The following SYNE2 variants were observed in gnomAD, a reference collection of about 807,000 sequenced individuals.
The protein encoded by SYNE2 is nesprin-2.
Under a neutral mutation model 856.3 loss-of-function variants are expected in SYNE2, and 431 were observed. The ratio of observed to expected loss-of-function variants is 0.50; its 90% CI spans 0.47 to 0.55. SYNE2 has a LOEUF of 0.55. Ranked by LOEUF, SYNE2 falls within the 20% of genes least tolerant of loss-of-function variation. The pLI, the probability that SYNE2 is intolerant of heterozygous loss-of-function variation, is 0.00. For missense variants in SYNE2, 8,129 were observed against 8,023.2 expected (o/e 1.01, Z -0.50); for synonymous variants, 2,923 against 2,872.3 (o/e 1.02, Z -0.56).
chr14:63,968,231 T>C (rs144927139), intron 11 of SYNE2, among the ~76,000 whole-genome samples: 184 of 152,328 alleles, frequency 1.2e-3, no homozygotes, highest in Middle Eastern at 3.4e-3. Flanking sequence ...TAAACTTCCA[T>C]GAGAAATTAT....
At chr14:63,942,180 T>C in intron 6 of SYNE2, 37 bp downstream of exon 6, 1 of 1,226,846 alleles carries the variant, frequency 8.2e-7, no homozygotes, top group Non-Finnish European at 1.2e-6. Flanking sequence ...ATTTCTACCC[T>C]ACCACAGTAT....
chr14:64,225,403 GCTGCTGCTCCTGGCCTGC>G lies in SYNE2; in HGVS notation c.20609_20626del (p.Leu6870_Leu6875del), dbSNP rs1159268281. 4.3e-6 allele frequency: 7 copies of G among 1,614,084 alleles called. No homozygotes were observed. Among genetic ancestry groups the G allele is most frequent in the Non-Finnish European group, 5.9e-6 (7 of 1,179,950 alleles). On this transcript the variant is annotated inframe_deletion, in exon 116 of 116. Transcript: ENST00000555002. ...TACCCCTGCAGCTGCTCCTCCTGCT[GCTGCTGCTCCTGGCCTGC>G]CTGCTGCCCTCCTCCGAAGAAGACT...
intron 96 of SYNE2, among the ~76,000 whole-genome samples, chr14:64,181,033 CTA>C (rs1365821625): frequency 6.6e-6 from 1 of 151,872 alleles, no homozygotes; most frequent in African/African-American, 2.4e-5. Flanking sequence ...TTTTGGGTGT[CTA>C]TGAGACCATC....
At chr14:64,209,891 G>A in intron 102 of SYNE2, 51 bp from the exon 103 acceptor site, 1 of 1,612,226 alleles carries the variant, frequency 6.2e-7, no homozygotes, top group Non-Finnish European at 8.5e-7. Context: ...GGGAAGGAGG[G>A]CGTCCTGGCA....
Position 64,219,239 on chromosome 14 carries a change from A to G in SYNE2, c.19689A>G (p.Ala6563=), listed in dbSNP as rs2098682904. The G allele has an allele frequency of 1.9e-6, 3 of 1,613,794 alleles. No individual in the cohort carries two copies. In the Admixed American group the frequency reaches 5.0e-5, roughly 27 times the overall value. Residue 6563 remains alanine, a synonymous_variant, in exon 110 of 116, where the codon GCA becomes GCG. Transcript: ENST00000555002. ...TCGACAGATGGGAGATGATTCAAGCACAGGAGCTTCACAATAAGCTCAAAA... is the reference window on the plus strand; with the variant it reads ...TCGACAGATGGGAGATGATTCAAGCGCAGGAGCTTCACAATAAGCTCAAAA... ...GAFDRWEMIQ[A]QELHNKLKIK...
chr14:63,797,598 C>T (rs180722586), intron 1 of SYNE2, among the ~76,000 whole-genome samples: 28 of 152,212 alleles, frequency 1.8e-4, no homozygotes, highest in Admixed American at 1.5e-3. Flanking sequence ...TGCGCCACCA[C>T]ACCCGGCTAA....
intron 11 of SYNE2, among the ~76,000 whole-genome samples, chr14:63,969,430 C>A (rs1280893125): frequency 1.3e-5 from 2 of 150,832 alleles, no homozygotes; most frequent in African/African-American, 4.9e-5. Flanking sequence ...AACCCCTCCA[C>A]CTCCTGGATT....
rs776495101 is a variant in SYNE2, at chr14:63,995,188, A to G, written c.2926A>G (p.Ile976Val). ...CCGTAGAGGAAGGACCAAGGGTCTC[A>G]TCAAAGAACATGAGGTACAATAAAG... Reference protein sequence around the residue: ...LIRRGRTKGLIKEHEACFSEE... With the variant: ...LIRRGRTKGLVKEHEACFSEE... The change falls in exon 23 of 116, where the codon ATC becomes GTC. Residue 976 changes from isoleucine (I) to valine (V), a missense_variant. Coordinates refer to ENST00000555002, the MANE Select transcript of SYNE2 (RefSeq NM_182914.3). The G allele has an allele frequency of 6.2e-7, 1 of 1,607,214 alleles. No homozygotes were observed. The highest frequency in any genetic ancestry group is 1.1e-5 in the South Asian group (1 of 90,498).
intron 1 of SYNE2, among the ~76,000 whole-genome samples, chr14:63,826,209 A>G (rs1232862146): frequency 3.9e-5 from 6 of 152,244 alleles, no homozygotes; most frequent in African/African-American, 1.4e-4. Flanking sequence ...ACATAGATCA[A>G]TGGAATAGCA....
At chr14:64,159,481 A>T (rs1230326202) in intron 87 of SYNE2, 39 bp downstream of exon 87, 1 of 1,607,366 alleles carries the variant, frequency 6.2e-7, no homozygotes, top group East Asian at 2.2e-5. Context: ...AGATATCTTT[A>T]TCTTAATGAC....
intron 41 of SYNE2, 71 bp downstream of exon 41, chr14:64,025,492 G>A: frequency 4.2e-6 from 6 of 1,421,042 alleles, no homozygotes; most frequent in Non-Finnish European, 5.8e-6. Flanking sequence ...GAGGAAAACT[G>A]TAAAGATGTG....
Position 64,052,747 on chromosome 14 carries a change from G to A in SYNE2, c.8834G>A (p.Cys2945Tyr). 1 of 1,612,886 alleles carries A rather than the reference G, an allele frequency of 6.2e-7. No individual in the cohort carries two copies. Among genetic ancestry groups the A allele is most frequent in the South Asian group, 1.1e-5 (1 of 90,858 alleles). ...CNEVEHKIKF[C>Y]RQFHEKTSAL... Reference sequence around the variant, plus strand: ...GAAGTGGAACACAAGATAAAGTTTTGCAGACAATTCCATGAAAAAACATCA... The same window carrying A: ...GAAGTGGAACACAAGATAAAGTTTTACAGACAATTCCATGAAAAAACATCA... The change falls in exon 48 of 116, where the codon TGC becomes TAC. Residue 2945 changes from cysteine to tyrosine, a missense_variant. Physicochemically the swap from Cys to Tyr is radical, Grantham distance 194. This residue lies in a region of SYNE2 where 5,410 missense variants were observed against 5,284.8 expected (regional missense o/e 1.02). Transcript: ENST00000555002.
intron 57 of SYNE2, among the ~76,000 whole-genome samples, chr14:64,083,087 T>TA (rs1377349793): frequency 6.6e-6 from 1 of 152,202 alleles, no homozygotes; most frequent in African/African-American, 2.4e-5. Flanking sequence ...CTCCTTTTTT[T>TA]ATCTTTGGAA....
At chr14:63,940,761 A>G (rs1383170735) in intron 3 of SYNE2, 86 bp downstream of exon 3, 4 of 1,176,264 alleles carry the variant, frequency 3.4e-6, no homozygotes, top group East Asian at 2.4e-5. Context: ...AGGCCATTAA[A>G]AAATGGTACT....
intron 1 of SYNE2, among the ~76,000 whole-genome samples, chr14:63,889,907 C>T (rs1170074910): frequency 6.6e-6 from 1 of 152,038 alleles, no homozygotes; most frequent in Non-Finnish European, 1.5e-5. Context: ...TTAATATGAT[C>T]AGACAAAAAG....
chr14:64,172,934 GAAAA>G (rs11369182), intron 94 of SYNE2, among the ~76,000 whole-genome samples: 1 of 142,674 alleles, frequency 7.0e-6, no homozygotes, highest in Non-Finnish European at 1.5e-5. Flanking sequence ...GACCTGTCTG[GAAAA>G]AAAAAAAAAG....
At chr14:64,029,792 A>C in intron 43 of SYNE2, 103 bp from the exon 44 acceptor site, 3 of 1,328,260 alleles carry the variant, frequency 2.3e-6, no homozygotes, top group South Asian at 1.3e-5. Context: ...TCCTGTTTCA[A>C]GATGAAACTG....
chr14:64,001,805 T>C (rs1321369383), intron 28 of SYNE2, 129 bp from the exon 29 acceptor site: 2 of 999,880 alleles, frequency 2.0e-6, no homozygotes, highest in African/African-American at 1.6e-5. Flanking sequence ...AATGTGTATG[T>C]ATATATCATT....
At chr14:63,774,588 G>A (rs912061036) in intron 1 of SYNE2, among the ~76,000 whole-genome samples, 8 of 151,522 alleles carry the variant, frequency 5.3e-5, no homozygotes, top group Non-Finnish European at 1.0e-4. Flanking sequence ...AGGATGTAGT[G>A]CAGTGGTGTG....
Sources: allele counts gnomAD v4.1 joint callset (sites outside exome capture counted in the v4.1 genomes callset), GRCh38; gene constraint gnomAD v4.1.1; regional missense constraint gnomAD v4.1.1; transcripts MANE v1.5; gene names NCBI Gene and HGNC (gene_info 2026-07-23, HGNC 2026-07-21).